Variants in LYSMD2 observed in about 807,000 individuals in gnomAD.
LYSMD2 encodes the protein lysM and putative peptidoglycan-binding domain-containing protein 2.
In LYSMD2, 6 loss-of-function variants were observed where a neutral mutation model predicts 17.7. That is an observed-to-expected ratio of 0.34 (90% CI 0.19 to 0.67). The LOEUF (loss-of-function observed/expected upper bound fraction) is 0.67. Ranked by LOEUF, LYSMD2 falls within the 30% of genes least tolerant of loss-of-function variation. The pLI, the probability that LYSMD2 is intolerant of heterozygous loss-of-function variation, is 0.69. For synonymous variants in LYSMD2, 102 were observed against 129.8 expected, an observed-to-expected ratio of 0.79 and a Z score of 1.45; for missense variants, 237 against 286.7, an observed-to-expected ratio of 0.83 and a Z score of 1.25.
At chr15:51,729,649 G>A (rs1384887371) in intron 1 of LYSMD2, among the ~76,000 whole-genome samples, 3 of 152,138 alleles carry the variant, frequency 2.0e-5, no homozygotes, top group Non-Finnish European at 4.4e-5. Context: ...TAGTAGAGAC[G>A]GGCTTTCGCC....
upstream of LYSMD2, chr15:51,737,682 T>G (rs1421461553): frequency 3.1e-4 from 349 of 1,111,408 alleles, no homozygotes; most frequent in Middle Eastern, 1.1e-3. This position sits in a 1 kb window ranked among gnomAD's most constrained non-coding sequence, Gnocchi z 4.2. Flanking sequence ...CTCCTCCTCC[T>G]CCGCCGCCGC....
intron 1 of LYSMD2, among the ~76,000 whole-genome samples, chr15:51,730,211 T>C (rs1184279748): frequency 1.3e-5 from 2 of 152,144 alleles, no homozygotes; most frequent in African/African-American, 2.4e-5. Flanking sequence ...AACAACGTAC[T>C]GAAAATGACT....
chr15:51,747,826 CT>C, intron 1 of LYSMD2, among the ~76,000 whole-genome samples: 1 of 152,298 alleles, frequency 6.6e-6, no homozygotes, highest in African/African-American at 2.4e-5. Flanking sequence ...GTCAATTATA[CT>C]ACACATACGA....
intron 1 of LYSMD2, among the ~76,000 whole-genome samples, chr15:51,735,466 A>G (rs2055602895): frequency 6.6e-6 from 1 of 152,228 alleles, no homozygotes; most frequent in Non-Finnish European, 1.5e-5. Context: ...TACACTGCAC[A>G]GGACAACCCC....
In LYSMD2 at chr15:51,733,922, C is replaced by G. The variant is rs144438861; in HGVS notation, c.273+3428G>C. Among the ~76,000 whole-genome samples the G allele has an allele frequency of 9.0e-3, 1,377 of 152,262 alleles. 21 individuals are homozygous for G. The highest frequency in any genetic ancestry group is 0.032 in the African/African-American group (1,314 of 41,548). On this transcript the variant is annotated intron_variant, in intron 1 of 2. Coordinates refer to ENST00000267838, the MANE Select transcript of LYSMD2 (RefSeq NM_153374.3). ...GACTCTGGCCAGATGCGGTGGCTCACGCTTGTAATCCCAACACTTTGGGAG... is the reference window on the plus strand; with the variant it reads ...GACTCTGGCCAGATGCGGTGGCTCAGGCTTGTAATCCCAACACTTTGGGAG...
intron 1 of LYSMD2, among the ~76,000 whole-genome samples, chr15:51,730,015 T>C (rs58336353): frequency 5.3e-5 from 8 of 152,228 alleles, no homozygotes; most frequent in African/African-American, 1.9e-4. Context: ...GGAGGTACAC[T>C]GATCAAATGC....
chr15:51,748,401 T>C (rs900514116), intron 1 of LYSMD2, among the ~76,000 whole-genome samples: 3 of 152,122 alleles, frequency 2.0e-5, no homozygotes, highest in African/African-American at 2.4e-5. Flanking sequence ...TTATCTGTTA[T>C]ATGATAATAT....
At chr15:51,742,153 G>A (rs1242550740), upstream of LYSMD2, among the ~76,000 whole-genome samples, 7 of 151,820 alleles carry the variant, frequency 4.6e-5, no homozygotes, top group East Asian at 9.7e-4. Flanking sequence ...TCATGCCTCA[G>A]CCTCCCAAGT....
chr15:51,744,407 T>A (rs1009652036), intron 1 of LYSMD2, among the ~76,000 whole-genome samples: 4 of 152,154 alleles, frequency 2.6e-5, no homozygotes, highest in African/African-American at 7.2e-5. Context: ...ATCATATGAC[T>A]TTTTTCCTCT....
intron 1 of LYSMD2, among the ~76,000 whole-genome samples, chr15:51,743,937 G>A (rs981360287): frequency 2.6e-5 from 4 of 152,158 alleles, no homozygotes; most frequent in African/African-American, 9.7e-5. Context: ...CAGGAAAGCA[G>A]TAGTTTTTTC....
rs1470770604 is a variant in LYSMD2 at position 51,727,939 on chromosome 15, G to A, written c.274-2818C>T. On this transcript the variant is annotated intron_variant, in intron 1 of 2. Coordinates refer to ENST00000267838, the MANE Select transcript of LYSMD2 (RefSeq NM_153374.3). ...CAAGGTGGGAACCAATCTAAGGACAGGGGCAGATTTGAGTCTTGAGTTTAA... is the reference window on the plus strand; with the variant it reads ...CAAGGTGGGAACCAATCTAAGGACAAGGGCAGATTTGAGTCTTGAGTTTAA... Among the ~76,000 whole-genome samples the A allele has an allele frequency of 3.3e-5, 5 of 152,360 alleles. No homozygotes were observed. In the East Asian group the frequency reaches 7.7e-4, roughly 23 times the overall value.
At chr15:51,737,923 C>T (rs2141599902), upstream of LYSMD2, 1 of 218,830 alleles carries the variant, frequency 4.6e-6, no homozygotes, top group Non-Finnish European at 9.0e-6. This position sits in a 1 kb window ranked among gnomAD's most constrained non-coding sequence, Gnocchi z 4.2. Context: ...CCGGGGAGCG[C>T]TGAAGCCCGC....
upstream of LYSMD2, among the ~76,000 whole-genome samples, chr15:51,740,626 A>T (rs943508589): frequency 6.6e-6 from 1 of 152,248 alleles, no homozygotes; most frequent in Non-Finnish European, 1.5e-5. Flanking sequence ...AACTGTTCAA[A>T]CAATTGAGAG....
chr15:51,743,681 G>A (rs2055653762), intron 1 of LYSMD2, among the ~76,000 whole-genome samples: 1 of 152,240 alleles, frequency 6.6e-6, no homozygotes, highest in Non-Finnish European at 1.5e-5. Flanking sequence ...GACTGGGATT[G>A]CATTGAATCA....
chr15:51,746,922 G>A (rs769567648), intron 1 of LYSMD2, among the ~76,000 whole-genome samples: 3 of 149,048 alleles, frequency 2.0e-5, no homozygotes, highest in Middle Eastern at 3.6e-3. Flanking sequence ...GCTCATGCCC[G>A]TAATCCCAAC....
chr15:51,738,533 C>G (rs1324895054), upstream of LYSMD2, among the ~76,000 whole-genome samples: 2 of 152,186 alleles, frequency 1.3e-5, no homozygotes, highest in Non-Finnish European at 1.5e-5. Flanking sequence ...CTTATCTGTA[C>G]TCTTCATTTG....
At position 51,725,052 on chromosome 15, in the gene LYSMD2, T is replaced by C. The variant is rs1295677465; in HGVS notation, c.343A>G (p.Ile115Val). 2.5e-6 allele frequency: 4 copies of C among 1,613,406 alleles called. No individual in the cohort carries two copies. In the South Asian group the frequency reaches 4.4e-5, roughly 18 times the overall value. ...AAAGGCTTCTCTGATATAACTGGGA[T>C]GTTCAAAGTTTTCTTCAGAAATATA... ...DCIFLKKTLN[I>V]PVISEKPLLF... The change falls in exon 2 of 3, where the codon ATC becomes GTC. Residue 115 changes from isoleucine to valine, a missense_variant. By Grantham distance (29) the Ile-to-Val change is conservative. Coordinates refer to ENST00000267838, the MANE Select transcript of LYSMD2 (RefSeq NM_153374.3).
At chr15:51,741,714 G>A (rs925831595), upstream of LYSMD2, among the ~76,000 whole-genome samples, 2 of 152,092 alleles carry the variant, frequency 1.3e-5, no homozygotes, top group African/African-American at 4.8e-5. Flanking sequence ...AAGGCCAGGA[G>A]TTTAAGACCA....
At chr15:51,737,705 C>T (rs1031985964), upstream of LYSMD2, 11 of 1,018,674 alleles carry the variant, frequency 1.1e-5, no homozygotes, top group African/African-American at 1.7e-5. The surrounding 1 kb of genome is among the most constrained non-coding windows in gnomAD (Gnocchi z 4.2). Flanking sequence ...CCGCCTCTTC[C>T]TCTTCACAGG....
Sources: allele counts gnomAD v4.1 joint callset (sites outside exome capture counted in the v4.1 genomes callset), GRCh38; gene constraint gnomAD v4.1.1; non-coding constraint Gnocchi (gnomAD v3.1); transcripts MANE v1.5; gene names NCBI Gene and HGNC (gene_info 2026-07-23, HGNC 2026-07-21).